The following PCDHGA3 variants were observed in gnomAD, a reference collection of about 807,000 sequenced individuals.
PCDHGA3 encodes the protein protocadherin gamma subfamily A, 3.
In PCDHGA3, 40 loss-of-function variants were observed where a neutral mutation model predicts 58.5. The ratio of observed to expected loss-of-function variants is 0.68; its 90% CI spans 0.53 to 0.89. The LOEUF is 0.89. Among genes scored for constraint, PCDHGA3 ranks in the 40% least tolerant of loss-of-function variants. The probability of loss-of-function intolerance (pLI) is 0.00; values close to 1 mark genes in which losing one functional copy is unlikely to be tolerated. For missense variants in PCDHGA3, 1,223 were observed against 1,195.9 expected (o/e 1.02, Z -0.33); for synonymous variants, 530 against 525.7 (o/e 1.01, Z -0.11).
At chr5:141,394,300 T>G (rs753637808) in intron 1 of PCDHGA3, 2 of 1,613,820 alleles carry the variant, frequency 1.2e-6, no homozygotes, top group African/African-American at 2.7e-5. Context: ...GAGGACACGC[T>G]GCAGGGGGCG....
intron 1 of PCDHGA3, chr5:141,372,656 G>T: frequency 6.2e-7 from 1 of 1,613,956 alleles, no homozygotes; most frequent in Non-Finnish European, 8.5e-7. Flanking sequence ...CCTACAATCC[G>T]TGTGCTGCCT....
In PCDHGA3 at chr5:141,486,157, A is replaced by C. The variant is rs1562110580; in HGVS notation, c.2425-8650A>C. On this transcript the variant is annotated intron_variant, in intron 1 of 3. Transcript: ENST00000253812. This position sits in a 1 kb window ranked among gnomAD's most constrained non-coding sequence, Gnocchi z 5.0. ...TGCGGGCTCGCGATGGGGGTTCTCC[A>C]GCCATGGAGCAACATTGCAGCCTTC... 10 of 1,614,208 alleles carry C rather than the reference A, an allele frequency of 6.2e-6. No individual in the cohort carries two copies. The highest frequency in any genetic ancestry group is 8.5e-6 in the Non-Finnish European group (10 of 1,180,028).
In PCDHGA3 at chr5:141,489,461, A is replaced by G. The variant is rs1329676538; in HGVS notation, c.2425-5346A>G. 5.0e-6 allele frequency: 8 copies of G among 1,613,832 alleles called. No homozygotes were observed. The highest frequency in any genetic ancestry group is 6.8e-6 in the Non-Finnish European group (8 of 1,179,986). On this transcript the variant is annotated intron_variant, in intron 1 of 3. Transcript: ENST00000253812. This position sits in a 1 kb window ranked among gnomAD's most constrained non-coding sequence, Gnocchi z 4.5. ...TTGGGCTCTGAGGAGAATGGGCGCT[A>G]TTTTTCCCTGAGCTTGATGAGTGGT...
At chr5:141,353,506 C>A (rs1166159265) in intron 1 of PCDHGA3, among the ~76,000 whole-genome samples, 1 of 152,180 alleles carries the variant, frequency 6.6e-6, no homozygotes, top group Non-Finnish European at 1.5e-5. Context: ...TCACAAGTAG[C>A]AAATATTGTC....
intron 1 of PCDHGA3, among the ~76,000 whole-genome samples, chr5:141,469,004 C>T (rs570896326): frequency 3.3e-5 from 5 of 151,802 alleles, no homozygotes; most frequent in Admixed American, 2.0e-4. Flanking sequence ...TTGCTGGGTG[C>T]GGTGGGTCAC....
chr5:141,482,758 T>TGC (rs1413945459), intron 1 of PCDHGA3, among the ~76,000 whole-genome samples: 74 of 141,724 alleles, frequency 5.2e-4, no homozygotes, highest in African/African-American at 9.9e-4. Flanking sequence ...ATTATGGTAT[T>TGC]TCATTATCAC....
chr5:141,415,062 G>C, intron 1 of PCDHGA3: 1 of 1,613,426 alleles, frequency 6.2e-7, no homozygotes, highest in Non-Finnish European at 8.5e-7. Context: ...ACACGGGCGA[G>C]GTGCGCACGG....
At chr5:141,366,416 G>T (rs767881897) in intron 1 of PCDHGA3, 1 of 1,614,118 alleles carries the variant, frequency 6.2e-7, no homozygotes, top group Non-Finnish European at 8.5e-7. Flanking sequence ...TCTTGTGGTG[G>T]CAGTGGCTGC....
chr5:141,433,582 T>TCCCA (rs758953161), intron 1 of PCDHGA3, among the ~76,000 whole-genome samples: 4 of 151,942 alleles, frequency 2.6e-5, no homozygotes, highest in Non-Finnish European at 5.9e-5. Flanking sequence ...ACGCCTGTAA[T>TCCCA]CCCAGTACTT....
At chr5:141,488,213 C>T (rs1261280988) in intron 1 of PCDHGA3, among the ~76,000 whole-genome samples, 1 of 152,118 alleles carries the variant, frequency 6.6e-6, no homozygotes, top group Non-Finnish European at 1.5e-5. Context: ...CATATCAAGT[C>T]CCTACTGGGG....
chr5:141,431,560 C>T lies in PCDHGA3; in HGVS notation c.2425-63247C>T, dbSNP rs751276470. On this transcript the variant is annotated intron_variant, in intron 1 of 3. Coordinates refer to ENST00000253812, the MANE Select transcript of PCDHGA3 (RefSeq NM_018916.4). This position sits in a 1 kb window ranked among gnomAD's most constrained non-coding sequence, Gnocchi z 4.8. ...CGCAGCTGCTTGTAGTCAACGCTAC[C>T]GACCCTGACGAAGGAGTCAATGCGG... The T allele has an allele frequency of 6.2e-7, 1 of 1,614,104 alleles. No individual in the cohort carries two copies. The highest frequency in any genetic ancestry group is 1.7e-5 in the Admixed American group (1 of 60,036).
intron 1 of PCDHGA3, chr5:141,376,527 A>T: frequency 6.2e-7 from 1 of 1,613,816 alleles, no homozygotes; most frequent in South Asian, 1.1e-5. Context: ...TTTCCGCCTA[A>T]GCGGGAAGAG....
intron 1 of PCDHGA3, chr5:141,356,509 C>T: frequency 6.2e-7 from 1 of 1,614,018 alleles, no homozygotes; most frequent in Non-Finnish European, 8.5e-7. Context: ...TACAGAAACT[C>T]ATATTTCACT....
intron 1 of PCDHGA3, chr5:141,422,717 T>A: frequency 6.2e-7 from 1 of 1,604,832 alleles, no homozygotes; most frequent in Non-Finnish European, 8.5e-7. Flanking sequence ...GATGACACTG[T>A]CCAGGGGGTG....
Position 141,381,442 on chromosome 5 carries a change from A to AC in PCDHGA3, c.2424+34986dup, listed in dbSNP as rs551572598. 7.9e-5 allele frequency among the ~76,000 whole-genome samples: 12 copies of AC among 152,360 alleles called. No individual in the cohort carries two copies. In the South Asian group the frequency reaches 2.5e-3, roughly 32 times the overall value. The stretch of plus-strand genomic sequence containing the variant: ...GAGTACCTCTAAGGATCCTGTCAGG[A>AC]CAGTCCTGCATTTTGCTCAAATGCT... On this transcript the variant is annotated intron_variant, in intron 1 of 3. Transcript: ENST00000253812.
intron 1 of PCDHGA3, chr5:141,361,558 A>G (rs775084773): frequency 6.2e-7 from 1 of 1,614,012 alleles, no homozygotes; most frequent in South Asian, 1.1e-5. Context: ...CGCTCAAATC[A>G]GTGCCTCTGA....
At chr5:141,370,272 A>T (rs1331315673) in intron 1 of PCDHGA3, 1 of 794,344 alleles carries the variant, frequency 1.3e-6, no homozygotes, top group Non-Finnish European at 1.9e-6. Context: ...TGCAGCGGAG[A>T]CACCCATTAG....
chr5:141,389,001 G>T (rs1313177903), intron 1 of PCDHGA3: 1 of 1,614,018 alleles, frequency 6.2e-7, no homozygotes, highest in Non-Finnish European at 8.5e-7. Context: ...CCGTGACAAG[G>T]ATTCCAGACA....
rs574059424 is a variant in PCDHGA3 at position 141,426,522 on chromosome 5, G to A, written c.2425-68285G>A. On this transcript the variant is annotated intron_variant, in intron 1 of 3. Transcript: ENST00000253812. ...AGAAACAATACTTTACCGTGAACAC[G>A]GAGAATGGGAACATACTTGTGAGTG... is the stretch of plus-strand genomic sequence containing the variant. The A allele has an allele frequency of 4.4e-5, 15 of 341,518 alleles. No individual in the cohort carries two copies. In the East Asian group the frequency reaches 6.0e-4, roughly 14 times the overall value. 21.2% of individuals were successfully genotyped at this position (341,518 alleles called of 1,614,324 possible).
Sources: gnomAD v4.1 joint callset for allele counts (sites outside exome capture counted in the v4.1 genomes callset) on GRCh38, gnomAD v4.1.1 for gene constraint, Gnocchi (gnomAD v3.1) non-coding constraint, MANE v1.5 for transcripts, NCBI Gene and HGNC (gene_info 2026-07-23, HGNC 2026-07-21) for gene names.